GNA14: variants seen among roughly 807,000 people sequenced by gnomAD.
GNA14 encodes guanine nucleotide-binding protein subunit alpha-14.
GNA14 carries 50 observed loss-of-function variants against 42.0 expected under a neutral mutation model. The ratio of observed to expected loss-of-function variants is 1.19; its 90% CI spans 0.95 to 1.51. GNA14 has a LOEUF of 1.51. GNA14 is among the 40% of genes most tolerant of loss of function. The pLI is 0.00. For synonymous variants in GNA14, 173 were observed against 163.1 expected (o/e 1.06, Z -0.46); for missense variants, 473 against 446.2 (o/e 1.06, Z -0.54).
At chr9:77,600,745 C>T (rs996977859) in intron 1 of GNA14, among the ~76,000 whole-genome samples, 5 of 151,618 alleles carry the variant, frequency 3.3e-5, no homozygotes, top group African/African-American at 1.2e-4. Context: ...TGGCAAAACC[C>T]TGTCTCTACT....
At chr9:77,501,836 G>A (rs751350867) in intron 2 of GNA14, among the ~76,000 whole-genome samples, 2 of 150,710 alleles carry the variant, frequency 1.3e-5, no homozygotes, top group African/African-American at 2.4e-5. Flanking sequence ...TCAGCCTCCC[G>A]AGTATTTGGG....
At chr9:77,647,627 G>A in intron 1 of GNA14, 43 bp downstream of exon 1, 1 of 1,588,904 alleles carries the variant, frequency 6.3e-7, no homozygotes, top group South Asian at 1.1e-5. Context: ...GGGCTCGGAA[G>A]AAAAACGCCC....
At chr9:77,609,223 A>G (rs140547511) in intron 1 of GNA14, among the ~76,000 whole-genome samples, 374 of 152,268 alleles carry the variant, frequency 2.5e-3, no homozygotes, top group African/African-American at 7.9e-3. Context: ...ACACAATGCA[A>G]TCTAGTGCTC....
chr9:77,509,494 T>C (rs1837124813), intron 2 of GNA14, among the ~76,000 whole-genome samples: 1 of 152,232 alleles, frequency 6.6e-6, no homozygotes, highest in African/African-American at 2.4e-5. Flanking sequence ...GTTTAATTTT[T>C]TGAGACCCAG....
chr9:77,438,765 AACAC>A (rs56923178), intron 2 of GNA14, among the ~76,000 whole-genome samples: 2 of 152,298 alleles, frequency 1.3e-5, no homozygotes, highest in South Asian at 4.1e-4. Context: ...CATGTGGGCC[AACAC>A]ACACAGTTAC....
chr9:77,583,348 G>A (rs1485646993), intron 1 of GNA14, among the ~76,000 whole-genome samples: 1 of 152,184 alleles, frequency 6.6e-6, no homozygotes, highest in African/African-American at 2.4e-5. Flanking sequence ...TAAATAGCAA[G>A]CAGCTGGGAA....
chr9:77,478,441 G>A (rs1156731053), intron 2 of GNA14, among the ~76,000 whole-genome samples: 1 of 152,082 alleles, frequency 6.6e-6, no homozygotes, highest in Admixed American at 6.5e-5. Flanking sequence ...TGGACATTTG[G>A]GTTGGTTCCA....
At chr9:77,525,705 AT>A (rs577409208) in intron 2 of GNA14, among the ~76,000 whole-genome samples, 4 of 151,006 alleles carry the variant, frequency 2.6e-5, no homozygotes, top group African/African-American at 9.7e-5. Flanking sequence ...CGCCCGGCTA[AT>A]TTTTTTTATT....
intron 1 of GNA14, among the ~76,000 whole-genome samples, chr9:77,578,705 C>A (rs1425520572): frequency 2.0e-5 from 3 of 152,184 alleles, no homozygotes; most frequent in African/African-American, 7.2e-5. Context: ...CCACTTAAAA[C>A]CTTAACCTCA....
At chr9:77,465,152 T>C (rs1479673675) in intron 2 of GNA14, among the ~76,000 whole-genome samples, 3 of 152,238 alleles carry the variant, frequency 2.0e-5, no homozygotes, top group Non-Finnish European at 2.9e-5. Flanking sequence ...TACTGTGTGA[T>C]AGCAGCCAGA....
At chr9:77,628,502 A>C (rs541768250) in intron 1 of GNA14, among the ~76,000 whole-genome samples, 1 of 152,352 alleles carries the variant, frequency 6.6e-6, no homozygotes, top group African/African-American at 2.4e-5. Context: ...ACAAGGCTAC[A>C]GTAACCAAAA....
In GNA14 at chr9:77,520,876, G is replaced by C. The variant is rs563223276; in HGVS notation, c.309+8193C>G. 4.8e-4 allele frequency among the ~76,000 whole-genome samples: 73 copies of C among 152,252 alleles called. No homozygotes were observed. In the Middle Eastern group the frequency reaches 0.01, roughly 21 times the overall value. On this transcript the variant is annotated intron_variant, in intron 2 of 6. Transcript: ENST00000341700. Reference sequence around the variant, plus strand: ...AGGTGCATACTCAGTTCTGAGGTAGGGGAAGGAATGGTCAAATCAATGTTA... The same window carrying C: ...AGGTGCATACTCAGTTCTGAGGTAGCGGAAGGAATGGTCAAATCAATGTTA...
intron 2 of GNA14, among the ~76,000 whole-genome samples, chr9:77,493,918 C>T (rs1836828002): frequency 6.6e-6 from 1 of 151,996 alleles, no homozygotes; most frequent in South Asian, 2.1e-4. Context: ...GATAAAATAT[C>T]ATTGTTTTTG....
intron 2 of GNA14, among the ~76,000 whole-genome samples, chr9:77,500,230 C>T (rs1381766572): frequency 6.6e-6 from 1 of 152,064 alleles, no homozygotes; most frequent in Non-Finnish European, 1.5e-5. Context: ...AGTGATCAGG[C>T]TGGTCTTGAA....
intron 1 of GNA14, among the ~76,000 whole-genome samples, chr9:77,573,943 T>C (rs912542706): frequency 6.6e-6 from 1 of 152,146 alleles, no homozygotes; most frequent in Non-Finnish European, 1.5e-5. Flanking sequence ...TATCTACAAG[T>C]ATCTATGTAT....
At chr9:77,500,706 A>C (rs1444466956) in intron 2 of GNA14, among the ~76,000 whole-genome samples, 2 of 152,218 alleles carry the variant, frequency 1.3e-5, no homozygotes, top group East Asian at 3.8e-4. Flanking sequence ...TATAGTATGT[A>C]ACCTTGTGGG....
At chr9:77,449,033 G>A (rs982810594) in intron 2 of GNA14, among the ~76,000 whole-genome samples, 5 of 152,172 alleles carry the variant, frequency 3.3e-5, no homozygotes, top group Admixed American at 1.3e-4. Context: ...TACGATAATG[G>A]TATGATAGGA....
At chr9:77,629,699 G>A (rs559517025) in intron 1 of GNA14, among the ~76,000 whole-genome samples, 3 of 152,178 alleles carry the variant, frequency 2.0e-5, no homozygotes, top group African/African-American at 7.2e-5. Context: ...TGGACACAGT[G>A]AGGGGAACAT....
intron 2 of GNA14, among the ~76,000 whole-genome samples, chr9:77,508,969 T>G (rs1486914060): frequency 6.6e-6 from 1 of 152,140 alleles, no homozygotes; most frequent in Non-Finnish European, 1.5e-5. Context: ...ACATAAAGTT[T>G]AACTATTTTT....
Sources: allele counts gnomAD v4.1 joint callset (sites outside exome capture counted in the v4.1 genomes callset), GRCh38; gene constraint gnomAD v4.1.1; transcripts MANE v1.5; gene names NCBI Gene and HGNC (gene_info 2026-07-23, HGNC 2026-07-21).